Variants in FRMD4B observed in about 807,000 individuals in gnomAD.
FRMD4B encodes FERM domain containing 4B.
FRMD4B carries 74 observed loss-of-function variants against 141.5 expected under a neutral mutation model. The observed-to-expected ratio is 0.52, with a 90% CI of 0.43 to 0.63. The LOEUF (loss-of-function observed/expected upper bound fraction) is 0.63. Among genes scored for constraint, FRMD4B ranks in the 30% least tolerant of loss-of-function variants. FRMD4B has a pLI of 0.00. For missense variants in FRMD4B, 1,366 were observed against 1,253.4 expected, an observed-to-expected ratio of 1.09 and a Z score of -1.36; for synonymous variants, 506 against 467.9, an observed-to-expected ratio of 1.08 and a Z score of -1.05.
At position 69,182,727 on chromosome 3, in the gene FRMD4B, T is replaced by C. The variant is rs781316034; in HGVS notation, c.1920-10A>G. The C allele has an allele frequency of 1.7e-5, 28 of 1,609,940 alleles. No homozygotes were observed. Among genetic ancestry groups the C allele is most frequent in the Non-Finnish European group, 2.3e-5 (27 of 1,178,830 alleles). ...TGTGGACAGCATTTCTCTGTGATGA[T>C]AAAAAGAAGAATTCAGGAAATGATG... On this transcript the variant is annotated splice_polypyrimidine_tract_variant and intron_variant, in intron 19 of 22. Transcript: ENST00000398540.
At chr3:69,333,116 G>A (rs937657154) in intron 1 of FRMD4B, among the ~76,000 whole-genome samples, 2 of 152,060 alleles carry the variant, frequency 1.3e-5, no homozygotes, top group East Asian at 1.9e-4. Flanking sequence ...CCATCGTTAT[G>A]GTCTTGGCTG....
intron 2 of FRMD4B, among the ~76,000 whole-genome samples, chr3:69,414,491 G>A (rs974207148): frequency 5.3e-5 from 8 of 152,236 alleles, no homozygotes; most frequent in South Asian, 2.1e-4. Context: ...ATTAGAAGGT[G>A]TTCCTTCGAT....
chr3:69,538,523 G>A (rs1175860616), intron 1 of FRMD4B, among the ~76,000 whole-genome samples: 1 of 152,082 alleles, frequency 6.6e-6, no homozygotes, highest in Non-Finnish European at 1.5e-5. Flanking sequence ...TATAACATAT[G>A]ATGATGCTGA....
chr3:69,520,581 C>T (rs1285754717), intron 1 of FRMD4B, among the ~76,000 whole-genome samples: 1 of 151,810 alleles, frequency 6.6e-6, no homozygotes, highest in Non-Finnish European at 1.5e-5. Context: ...TGCTGGAAGC[C>T]ACTCAGTGTG....
At chr3:69,528,834 AC>A (rs1212583311) in intron 1 of FRMD4B, among the ~76,000 whole-genome samples, 1 of 151,948 alleles carries the variant, frequency 6.6e-6, no homozygotes, top group East Asian at 1.9e-4. Context: ...CTATTAAGTC[AC>A]CTATCACCAT....
intron 20 of FRMD4B, 66 bp downstream of exon 20, chr3:69,182,532 A>C: frequency 6.8e-7 from 1 of 1,473,438 alleles, no homozygotes; most frequent in African/African-American, 1.4e-5. Flanking sequence ...AAAACACAAT[A>C]AAGCAAGACA....
At position 69,413,675 on chromosome 3, in the gene FRMD4B, C is replaced by T. The variant is rs568489622; in HGVS notation, c.-1+18959G>A. Reference sequence around the variant, plus strand: ...GCAAGGTTTCCCATTTTCCTCTTTCCCTAGCTTTAGAGTTTGACTTGATTG... The same window carrying T: ...GCAAGGTTTCCCATTTTCCTCTTTCTCTAGCTTTAGAGTTTGACTTGATTG... On this transcript the variant is annotated intron_variant, in intron 2 of 5. Coordinates refer to the FRMD4B transcript ENST00000459638. Among the ~76,000 whole-genome samples, 58 of 152,232 alleles carry T rather than the reference C, an allele frequency of 3.8e-4. 2 individuals carry two copies. The South Asian group carries it at 0.011, about 30-fold the overall frequency.
At chr3:69,355,451 C>G (rs1392309229) in intron 1 of FRMD4B, among the ~76,000 whole-genome samples, 2 of 152,130 alleles carry the variant, frequency 1.3e-5, no homozygotes, top group African/African-American at 2.4e-5. Context: ...ACAGTAAAAA[C>G]TCAATACATG....
At chr3:69,347,985 A>G (rs1703003483) in intron 1 of FRMD4B, among the ~76,000 whole-genome samples, 1 of 152,224 alleles carries the variant, frequency 6.6e-6, no homozygotes, top group Admixed American at 6.5e-5. Flanking sequence ...CTAAGATCAG[A>G]GCAGAACTGA....
At chr3:69,405,039 C>T (rs1034345472) in intron 2 of FRMD4B, among the ~76,000 whole-genome samples, 7 of 152,108 alleles carry the variant, frequency 4.6e-5, no homozygotes, top group Admixed American at 6.5e-5. Context: ...TCTTTGCTCG[C>T]GAATGATGGA....
chr3:69,444,771 A>C (rs1705387018), intron 1 of FRMD4B, among the ~76,000 whole-genome samples: 1 of 152,218 alleles, frequency 6.6e-6, no homozygotes, highest in African/African-American at 2.4e-5. Flanking sequence ...ACGAACATAA[A>C]GAAACAACAA....
chr3:69,195,196 AAC>A, intron 15 of FRMD4B, 33 bp downstream of exon 15: 1 of 1,613,390 alleles, frequency 6.2e-7, no homozygotes, highest in Non-Finnish European at 8.5e-7. Flanking sequence ...AAAGTTGTCA[AAC>A]ACAACTTGAT....
intron 5 of FRMD4B, among the ~76,000 whole-genome samples, chr3:69,260,734 G>C (rs545221696): frequency 6.6e-6 from 1 of 152,252 alleles, no homozygotes; most frequent in Non-Finnish European, 1.5e-5. Flanking sequence ...GTAGGAACTT[G>C]GAGAACTTTT....
Position 69,181,639 on chromosome 3 carries a change from TC to T in FRMD4B, c.2110del (p.Glu704ArgfsTer40). On this transcript the variant is annotated frameshift_variant, in exon 21 of 23. Transcript: ENST00000398540. LOFTEE classifies it high-confidence loss of function. ...GAAAAATGGCTTATCGCTGTCCATC[TC>T]GGAGAGCAGGTGGGACTGGGACTCC... is the stretch of plus-strand genomic sequence containing the variant. ...SLESQSHLLS[E>X]MDSDKPFFSL... The T allele has an allele frequency of 6.2e-7, 1 of 1,613,056 alleles. No individual in the cohort carries two copies. Among genetic ancestry groups the T allele is most frequent in the Non-Finnish European group, 8.5e-7 (1 of 1,179,060 alleles).
At chr3:69,275,443 T>TCTC (rs1553714711) in intron 5 of FRMD4B, among the ~76,000 whole-genome samples, 25 of 116,740 alleles carry the variant, frequency 2.1e-4, no homozygotes, top group South Asian at 6.1e-4. Context: ...TCTCTCTCTC[T>TCTC]TTTTTTTTTT....
rs545602089 is a variant in FRMD4B, at chr3:69,418,159, T to C, written c.-1+14475A>G. On this transcript the variant is annotated intron_variant, in intron 2 of 5. Coordinates refer to the FRMD4B transcript ENST00000459638. Reference sequence around the variant, plus strand: ...TCTTTGGGGCAATTATTTAACCTACTGAGGCCATCTTTTTCATCTCTAAAA... The same window carrying C: ...TCTTTGGGGCAATTATTTAACCTACCGAGGCCATCTTTTTCATCTCTAAAA... Among the ~76,000 whole-genome samples the C allele has an allele frequency of 3.3e-5, 5 of 152,332 alleles. No individual in the cohort carries two copies. In the South Asian group the frequency reaches 1.0e-3, roughly 32 times the overall value.
At chr3:69,479,671 G>C (rs1706080219) in intron 1 of FRMD4B, among the ~76,000 whole-genome samples, 1 of 152,142 alleles carries the variant, frequency 6.6e-6, no homozygotes, top group African/African-American at 2.4e-5. Flanking sequence ...TGGTGACTCT[G>C]ACAATTATGT....
intron 11 of FRMD4B, among the ~76,000 whole-genome samples, chr3:69,209,779 C>T (rs1317820740): frequency 2.0e-5 from 3 of 152,140 alleles, no homozygotes; most frequent in Admixed American, 6.5e-5. Flanking sequence ...TTCTTCCATA[C>T]CATGCTTTAT....
intron 11 of FRMD4B, among the ~76,000 whole-genome samples, chr3:69,205,661 G>C (rs546472642): frequency 6.6e-6 from 1 of 152,288 alleles, no homozygotes; most frequent in East Asian, 1.9e-4. Context: ...AGCATCTAGA[G>C]AGTAGAGACC....
Sources: allele counts gnomAD v4.1 joint callset (sites outside exome capture counted in the v4.1 genomes callset), GRCh38; gene constraint gnomAD v4.1.1; transcripts MANE v1.5; gene names NCBI Gene and HGNC (gene_info 2026-07-23, HGNC 2026-07-21).